ODAD2: variants seen among roughly 807,000 people sequenced by gnomAD.
The protein encoded by ODAD2 is outer dynein arm-docking complex subunit 2.
ODAD2 carries 89 observed loss-of-function variants against 106.8 expected under a neutral mutation model. The ratio of observed to expected loss-of-function variants is 0.83; its 90% CI spans 0.70 to 0.99. The LOEUF (loss-of-function observed/expected upper bound fraction) is 0.99, where lower values mean the gene tolerates loss of function less well. Among genes scored for constraint, ODAD2 ranks in the 50% least tolerant of loss-of-function variants. ODAD2 has a pLI of 0.00. For missense variants in ODAD2, 1,168 were observed against 1,238.5 expected, an observed-to-expected ratio of 0.94 and a Z score of 0.85; for synonymous variants, 404 against 436.2, an observed-to-expected ratio of 0.93 and a Z score of 0.92.
chr10:27,943,531 A>C (rs1846605619), intron 12 of ODAD2, among the ~76,000 whole-genome samples: 1 of 152,088 alleles, frequency 6.6e-6, no homozygotes, highest in African/African-American at 2.4e-5. Flanking sequence ...TCACACCTGT[A>C]ATCCCAGCAC....
chr10:27,889,709 C>T (rs1842441586), intron 17 of ODAD2, among the ~76,000 whole-genome samples: 3 of 152,214 alleles, frequency 2.0e-5, no homozygotes. Flanking sequence ...GCCCTGTGTA[C>T]TCAATGATGT....
intron 19 of ODAD2, among the ~76,000 whole-genome samples, chr10:27,817,629 C>G (rs1836243457): frequency 6.6e-6 from 1 of 152,200 alleles, no homozygotes; most frequent in East Asian, 1.9e-4. Context: ...AGGATAAGGG[C>G]CTCCAGTTCC....
intron 9 of ODAD2, among the ~76,000 whole-genome samples, chr10:27,962,893 T>C (rs1588619994): frequency 6.6e-6 from 1 of 152,144 alleles, no homozygotes; most frequent in Admixed American, 6.5e-5. Flanking sequence ...ATCCTGATAT[T>C]GTTTCCCACA....
At chr10:27,882,225 G>GAAAT (rs1554799101) in intron 17 of ODAD2, among the ~76,000 whole-genome samples, 15 of 150,840 alleles carry the variant, frequency 9.9e-5, no homozygotes, top group African/African-American at 2.9e-4. Flanking sequence ...AAGAAAGAAA[G>GAAAT]AAAGAAAGAA....
rs1244615267 is a variant in ODAD2, at chr10:27,985,230, A to G, written c.383-19T>C. 1.4e-6 allele frequency: 2 copies of G among 1,402,892 alleles called. No individual in the cohort carries two copies. The highest frequency in any genetic ancestry group is 1.5e-5 in the African/African-American group (1 of 68,090). The allele number at this position is 1,402,892 out of a possible 1,614,324, so 86.9% of individuals were successfully genotyped here. On this transcript the variant is annotated intron_variant, in intron 3 of 19. Coordinates refer to ENST00000305242, the MANE Select transcript of ODAD2 (RefSeq NM_018076.5). The stretch of plus-strand genomic sequence containing the variant: ...CTGTTAGCTGCCAAAAAAAAAAAAA[A>G]GGAGACAAATAAAAATTATCCACTT...
intron 16 of ODAD2, among the ~76,000 whole-genome samples, chr10:27,912,444 G>A (rs780497229): frequency 1.4e-4 from 21 of 152,054 alleles, no homozygotes; most frequent in Non-Finnish European, 2.5e-4. Flanking sequence ...GCAGCTGTTT[G>A]CTACGTTTCT....
At chr10:27,817,273 A>C (rs1266133836) in intron 19 of ODAD2, among the ~76,000 whole-genome samples, 6 of 152,258 alleles carry the variant, frequency 3.9e-5, no homozygotes, top group Non-Finnish European at 7.4e-5. Context: ...CTTTTAACTC[A>C]TGATCTATGG....
chr10:27,967,415 G>C (rs1207482188), intron 9 of ODAD2, among the ~76,000 whole-genome samples: 32 of 152,278 alleles, frequency 2.1e-4, no homozygotes, highest in East Asian at 3.9e-4. Flanking sequence ...GCTGGTATCA[G>C]CAGAGGCATA....
chr10:27,947,596 G>T lies in ODAD2; in HGVS notation c.1387-2634C>A, dbSNP rs186026620. 5.9e-5 allele frequency among the ~76,000 whole-genome samples: 9 copies of T among 152,086 alleles called. No individual in the cohort carries two copies. In the East Asian group the frequency reaches 1.7e-3, roughly 29 times the overall value. Reference sequence around the variant, plus strand: ...TTTGAATAAAGCTCTTTTTTTCTCTGAATTTAAATGGTTAAAAGGAGCCAG... The same window carrying T: ...TTTGAATAAAGCTCTTTTTTTCTCTTAATTTAAATGGTTAAAAGGAGCCAG... On this transcript the variant is annotated intron_variant, in intron 10 of 19. Transcript: ENST00000305242.
chr10:27,955,440 G>A (rs1044410899), intron 10 of ODAD2, among the ~76,000 whole-genome samples: 1 of 152,060 alleles, frequency 6.6e-6, no homozygotes, highest in African/African-American at 2.4e-5. Context: ...CAAACAACCA[G>A]GCAATGTGCA....
At chr10:27,924,415 C>A (rs1373112548) in intron 16 of ODAD2, among the ~76,000 whole-genome samples, 5 of 150,900 alleles carry the variant, frequency 3.3e-5, no homozygotes, top group Non-Finnish European at 7.4e-5. Flanking sequence ...ACATAAGCAA[C>A]TTTTATTATT....
rs192637722 is a variant in ODAD2 at position 27,841,647 on chromosome 10, C to T, written c.3021+18978G>A. Among the ~76,000 whole-genome samples, 57 of 152,230 alleles carry T rather than the reference C, an allele frequency of 3.7e-4. 2 individuals are homozygous for T. The East Asian group carries it at 8.1e-3, about 22-fold the overall frequency. ...CTGACCTCAGGTGATCTGCCTGCCT[C>T]GGCCTCCCAAACTGCTGGGATTACA... On this transcript the variant is annotated intron_variant, in intron 19 of 19. Coordinates refer to ENST00000305242, the MANE Select transcript of ODAD2 (RefSeq NM_018076.5).
chr10:27,812,920 G>C (rs143968716), intron 19 of ODAD2, among the ~76,000 whole-genome samples: 1 of 152,166 alleles, frequency 6.6e-6, no homozygotes, highest in Non-Finnish European at 1.5e-5. Context: ...CATCTTTTCT[G>C]TCTTTTCCAC....
Position 27,812,583 on chromosome 10 carries a change from C to G in ODAD2, c.3064G>C (p.Glu1022Gln). Residue 1022 changes from glutamate (E) to glutamine (Q), a missense_variant, in exon 20 of 20, where the codon GAA (glutamate) becomes CAA (glutamine). Glu to Gln is a conservative substitution (Grantham distance 29). This residue lies in a region of ODAD2 where 701 missense variants were observed against 712.3 expected (regional missense o/e 0.98). Coordinates refer to ENST00000305242, the MANE Select transcript of ODAD2 (RefSeq NM_018076.5). The stretch of plus-strand genomic sequence containing the variant: ...TTGGATATACAACCAGCTGCAGCTT[C>G]CTGGAGATCCTGGTCAGGGGACCCA... Reference protein sequence around the residue: ...MVGSPDQDLQEAAAGCISNIR... With the variant: ...MVGSPDQDLQQAAAGCISNIR... 2 of 1,612,948 alleles carry G rather than the reference C, an allele frequency of 1.2e-6. No individual in the cohort carries two copies. Among genetic ancestry groups the G allele is most frequent in the Non-Finnish European group, 1.7e-6 (2 of 1,179,772 alleles).
chr10:27,875,562 T>C (rs1046611265), intron 17 of ODAD2, among the ~76,000 whole-genome samples: 2 of 152,186 alleles, frequency 1.3e-5, no homozygotes, highest in African/African-American at 4.8e-5. Flanking sequence ...TTGTTAGTTT[T>C]GGTGGTTCCA....
intron 10 of ODAD2, among the ~76,000 whole-genome samples, chr10:27,953,511 G>A (rs1408880034): frequency 6.6e-6 from 1 of 152,082 alleles, no homozygotes; most frequent in Non-Finnish European, 1.5e-5. Context: ...AGTATTGTTT[G>A]CAGTAACAAA....
intron 15 of ODAD2, among the ~76,000 whole-genome samples, chr10:27,935,893 G>C (rs1398836442): frequency 2.0e-5 from 3 of 150,182 alleles, no homozygotes; most frequent in Non-Finnish European, 1.5e-5. Flanking sequence ...CACACCAAAA[G>C]GAAGCATGCT....
intron 17 of ODAD2, among the ~76,000 whole-genome samples, chr10:27,900,969 C>G (rs927865280): frequency 6.6e-6 from 1 of 152,122 alleles, no homozygotes; most frequent in African/African-American, 2.4e-5. Flanking sequence ...GAGAACACCA[C>G]AAAGATACTC....
intron 19 of ODAD2, among the ~76,000 whole-genome samples, chr10:27,848,265 C>T (rs1358479372): frequency 6.6e-6 from 1 of 152,162 alleles, no homozygotes; most frequent in Non-Finnish European, 1.5e-5. Context: ...AGAAATAATA[C>T]TACACATCTA....
Sources: allele counts gnomAD v4.1 joint callset (sites outside exome capture counted in the v4.1 genomes callset), GRCh38; gene constraint gnomAD v4.1.1; regional missense constraint gnomAD v4.1.1; transcripts MANE v1.5; gene names NCBI Gene and HGNC (gene_info 2026-07-23, HGNC 2026-07-21).